PNPLA2: variants seen among roughly 807,000 people sequenced by gnomAD.
PNPLA2 encodes patatin-like phospholipase domain-containing protein 2.
In PNPLA2, 28 loss-of-function variants were observed where a neutral mutation model predicts 39.7. The observed-to-expected ratio is 0.70, with a 90% CI of 0.52 to 0.97. The LOEUF (loss-of-function observed/expected upper bound fraction) is 0.97, where lower values mean the gene tolerates loss of function less well. Among genes scored for constraint, PNPLA2 ranks in the 50% least tolerant of loss-of-function variants. The pLI, the probability that PNPLA2 is intolerant of heterozygous loss-of-function variation, is 0.00. For missense variants in PNPLA2, 768 were observed against 698.2 expected (o/e 1.10, Z -1.13); for synonymous variants, 392 against 321.1 (o/e 1.22, Z -2.36).
chr11:823,414 G>C (rs1342354539), intron 5 of PNPLA2, 113 bp from the exon 6 acceptor site: 1 of 926,450 alleles, frequency 1.1e-6, no homozygotes, highest in African/African-American at 1.6e-5. Flanking sequence ...ATAGGTTTTG[G>C]GGTTGGGAGC....
rs1565087552 is a variant in PNPLA2, at chr11:822,604, CT to C, written c.695del (p.Leu232ArgfsTer24). On this transcript the variant is annotated frameshift_variant and splice_region_variant, in exon 5 of 10. Coordinates refer to ENST00000336615, the MANE Select transcript of PNPLA2 (RefSeq NM_020376.4). LOFTEE classifies it high-confidence loss of function. ...CAAGGCCCTCTTCCCGCCGGAGCCC[CT>C]GGTGAGCTCTGCTCCGAGGACTGTG... Reference protein sequence around the residue: ...LSKALFPPEPLVLREMCKQGY... With the variant: ...LSKALFPPEPXVLREMCKQGY... The C allele has an allele frequency of 1.2e-6, 2 of 1,612,324 alleles. No homozygotes were observed. The highest frequency in any genetic ancestry group is 3.3e-5 in the Admixed American group (2 of 59,998).
intron 2 of PNPLA2, chr11:820,933 G>T (rs923377596): frequency 6.5e-6 from 1 of 153,786 alleles, no homozygotes; most frequent in Admixed American, 6.5e-5. Context: ...CTCCCAACAA[G>T]ACTCCTTCTC....
Position 825,357 on chromosome 11 carries a change from G to A in PNPLA2, c.*495G>A, listed in dbSNP as rs1323145985. On this transcript the variant is annotated 3_prime_UTR_variant, in exon 10 of 10. Transcript: ENST00000336615. ...TCCCAGCGTCGCACTCCTGGGCCTG[G>A]CATTTGGAACCTGCCAGGCTGGCCT... The A allele has an allele frequency of 7.4e-5, 16 of 217,508 alleles. No homozygotes were observed. Among genetic ancestry groups the A allele is most frequent in the South Asian group, 5.6e-4 (10 of 17,728 alleles). 13.5% of individuals were successfully genotyped at this position (217,508 alleles called of 1,614,324 possible).
In PNPLA2 at chr11:823,984, C is replaced by T. The variant is rs1412675057; in HGVS notation, c.920-14C>T. On this transcript the variant is annotated splice_polypyrimidine_tract_variant and intron_variant, in intron 7 of 9. Coordinates refer to ENST00000336615, the MANE Select transcript of PNPLA2 (RefSeq NM_020376.4). ...GCTGCCTCCACTGGCCGCCGACCTC[C>T]CGCCCACCCGCAGCCCTGCTGGAGG... 1 of 1,595,756 alleles carries T rather than the reference C, an allele frequency of 6.3e-7. No individual in the cohort carries two copies. Among genetic ancestry groups the T allele is most frequent in the Admixed American group, 1.7e-5 (1 of 58,804 alleles).
chr11:819,694 C>G lies in PNPLA2; in HGVS notation c.-25C>G. ...ACAGAGGCCTGGCCGCCCACGGAAC[C>G]CGGGGCCCGGCGGCCGCCGCCGCGA... On this transcript the variant is annotated 5_prime_UTR_variant, in exon 2 of 10. Transcript: ENST00000336615. 2.0e-6 allele frequency: 3 copies of G among 1,475,300 alleles called. No homozygotes were observed. The highest frequency in any genetic ancestry group is 1.3e-5 in the South Asian group (1 of 77,892). The allele number at this position is 1,475,300 out of a possible 1,614,324, so 91.4% of individuals were successfully genotyped here.
chr11:821,797 C>T lies in PNPLA2; in HGVS notation c.357C>T (p.Thr119=). The T allele has an allele frequency of 6.2e-7, 1 of 1,613,998 alleles. No individual in the cohort carries two copies. Among genetic ancestry groups the T allele is most frequent in the Non-Finnish European group, 8.5e-7 (1 of 1,180,032 alleles). ...GTGGGCGCCTGGGCATCTCCCTGACCCGCGTGTCAGACGGCGAGAATGTCA... is the reference window on the plus strand; with the variant it reads ...GTGGGCGCCTGGGCATCTCCCTGACTCGCGTGTCAGACGGCGAGAATGTCA... The part of the protein sequence containing the change: ...HASGRLGISL[T]RVSDGENVII... The change falls in exon 3 of 10, where the codon ACC becomes ACT. Residue 119 remains threonine (T), a synonymous_variant. Transcript: ENST00000336615.
At chr11:823,503 T>TC in intron 5 of PNPLA2, 24 bp from the exon 6 acceptor site, 1 of 1,597,122 alleles carries the variant, frequency 6.3e-7, no homozygotes, top group Non-Finnish European at 8.5e-7. Context: ...CTCCCTCCGC[T>TC]CCATTTAACC....
rs760351405 is a variant in PNPLA2 at position 824,799 on chromosome 11, T to G, written c.1452T>G (p.Pro484=). 6.5e-7 allele frequency: 1 copy of G among 1,533,834 alleles called. No individual in the cohort carries two copies. Among genetic ancestry groups the G allele is most frequent in the Non-Finnish European group, 8.7e-7 (1 of 1,145,680 alleles). ...CCCCGCAGCACCAGCTGGCCGGGCC[T>G]GCCCCCTTGCTGAGCACCCCTGCTC... ...PASPQHQLAG[P]APLLSTPAPE... The change falls in exon 10 of 10, where the codon CCT becomes CCG. Residue 484 remains proline (P), a synonymous_variant. Transcript: ENST00000336615.
At position 823,602 on chromosome 11, in the gene PNPLA2, G is replaced by A. The variant is rs772185053; in HGVS notation, c.757+15G>A. On this transcript the variant is annotated intron_variant, in intron 6 of 9. Transcript: ENST00000336615. Reference sequence around the variant, plus strand: ...GCAGCGGAACGGTGCGCGGACCCGGGCGGGAGAGGGCGGGGTGGGCTCGGC... The same window carrying A: ...GCAGCGGAACGGTGCGCGGACCCGGACGGGAGAGGGCGGGGTGGGCTCGGC... The A allele has an allele frequency of 1.2e-6, 2 of 1,607,014 alleles. No homozygotes were observed. The highest frequency in any genetic ancestry group is 3.4e-5 in the Admixed American group (2 of 59,360).
At position 821,739 on chromosome 11, in the gene PNPLA2, A is replaced by G; in HGVS notation, c.299A>G (p.Lys100Arg). The change falls in exon 3 of 10, where the codon AAG (lysine) becomes AGG (arginine). Residue 100 changes from lysine (K) to arginine (R), a missense_variant. Transcript: ENST00000336615. ...AAGATCATCCGCAGTTTCCTGCTGA[A>G]GGTCCTGCCTGCTGATAGCCATGAG... The part of the protein sequence containing the change: ...LVKIIRSFLL[K>R]VLPADSHEHA... 1.2e-6 allele frequency: 2 copies of G among 1,613,972 alleles called. No individual in the cohort carries two copies. The highest frequency in any genetic ancestry group is 1.7e-6 in the Non-Finnish European group (2 of 1,180,008).
Position 825,085 on chromosome 11 carries a change from C to T in PNPLA2, c.*223C>T. On this transcript the variant is annotated 3_prime_UTR_variant, in exon 10 of 10. Coordinates refer to ENST00000336615, the MANE Select transcript of PNPLA2 (RefSeq NM_020376.4). ...TCTTCCCTCCCCTGTGCTGCCCGAGCACCTCCCCCGCCCCTTTACTCCTGA... is the reference window on the plus strand; with the variant it reads ...TCTTCCCTCCCCTGTGCTGCCCGAGTACCTCCCCCGCCCCTTTACTCCTGA... 1 of 591,064 alleles carries T rather than the reference C, an allele frequency of 1.7e-6. No individual in the cohort carries two copies. The highest frequency in any genetic ancestry group is 2.0e-5 in the South Asian group (1 of 50,702). 36.6% of individuals were successfully genotyped at this position (591,064 alleles called of 1,614,324 possible). A position where few individuals can be genotyped will look rare whatever the true frequency, so the allele number is the denominator to read the frequency against.
intron 5 of PNPLA2, among the ~76,000 whole-genome samples, 194 bp from the exon 6 acceptor site, chr11:823,333 A>G (rs1360479713): frequency 6.6e-6 from 1 of 152,174 alleles, no homozygotes; most frequent in African/African-American, 2.4e-5. Context: ...CTGGGGTTAC[A>G]GGTGTAAGCC....
In PNPLA2 at chr11:824,633, T is replaced by C. The variant is rs1565091250; in HGVS notation, c.1286T>C (p.Leu429Pro). Residue 429 changes from leucine (L) to proline (P), a missense_variant, in exon 10 of 10, where the codon CTG becomes CCG. Transcript: ENST00000336615. ...LPGWMRNNLS[L>P]GDALAKWEEC... is the part of the protein sequence containing the mutation. ...GGCTGGATGCGCAACAACCTCTCGC[T>C]GGGGGACGCGCTGGCCAAGTGGGAG... 1 of 1,597,192 alleles carries C rather than the reference T, an allele frequency of 6.3e-7. No homozygotes were observed. Among genetic ancestry groups the C allele is most frequent in the Admixed American group, 1.7e-5 (1 of 59,260 alleles).
At chr11:821,895 G>A (rs779769284) in intron 3 of PNPLA2, 35 bp downstream of exon 3, 33 of 1,610,466 alleles carry the variant, frequency 2.0e-5, no homozygotes, top group Non-Finnish European at 2.7e-5. Flanking sequence ...GGTGGCGGTG[G>A]GGGGGGCAGT....
At chr11:824,256 G>A (rs1360174667) in intron 8 of PNPLA2, 58 bp from the exon 9 acceptor site, 3 of 1,548,484 alleles carry the variant, frequency 1.9e-6, no homozygotes, top group Non-Finnish European at 2.6e-6. Context: ...ACAGGGCCCG[G>A]CGGGTGGGCA....
At chr11:819,512 C>A in intron 1 of PNPLA2, 62 bp from the exon 2 acceptor site, 1 of 1,252,890 alleles carries the variant, frequency 8.0e-7, no homozygotes, top group Non-Finnish European at 1.0e-6. Flanking sequence ...TCTTCGTGTG[C>A]CGGCCCCGCC....
chr11:819,847 C>G lies in PNPLA2; in HGVS notation c.129C>G (p.Ile43Met). ...APFLVANATH[I>M]YGASAGALTA... ...TCCTGGTGGCCAACGCCACGCACAT[C>G]TACGGCGCCTCGGCCGGGGCGCTCA... The change falls in exon 2 of 10, where the codon ATC (isoleucine) becomes ATG (methionine). Residue 43 changes from isoleucine (I) to methionine (M), a missense_variant. Coordinates refer to ENST00000336615, the MANE Select transcript of PNPLA2 (RefSeq NM_020376.4). 1 of 1,473,024 alleles carries G rather than the reference C, an allele frequency of 6.8e-7. No homozygotes were observed. Among genetic ancestry groups the G allele is most frequent in the Non-Finnish European group, 9.0e-7 (1 of 1,111,752 alleles). 91.2% of individuals were successfully genotyped at this position (1,473,024 alleles called of 1,614,324 possible).
At chr11:819,457 GGGCGGGTCCCGAGGGCAC>G in intron 1 of PNPLA2, 99 bp from the exon 2 acceptor site, 2 of 1,187,506 alleles carry the variant, frequency 1.7e-6, no homozygotes, top group Non-Finnish European at 2.1e-6. Flanking sequence ...TCAAGGACGG[GGGCGGGTCCCGAGGGCAC>G]GGCCGTTCCC....
In PNPLA2 at chr11:824,351, C is replaced by T. The variant is rs577421006; in HGVS notation, c.1090C>T (p.Arg364Trp). The change falls in exon 9 of 10, where the codon CGG (arginine) becomes TGG (tryptophan). Residue 364 changes from arginine (R) to tryptophan (W), a missense_variant. Physicochemically the swap from Arg to Trp is moderately radical, Grantham distance 101. Transcript: ENST00000336615. ...GCTGCCCGACGTTCCCGAGGACATC[C>T]GGTGGATGAAGGAGCAGACGGGCAG... ...EWLPDVPEDI[R>W]WMKEQTGSIC... 2.2e-5 allele frequency: 34 copies of T among 1,551,340 alleles called. No homozygotes were observed. In the East Asian group the frequency reaches 6.1e-4, roughly 28 times the overall value.
Sources: gnomAD v4.1 joint callset for allele counts (sites outside exome capture counted in the v4.1 genomes callset) on GRCh38, gnomAD v4.1.1 for gene constraint, MANE v1.5 for transcripts, NCBI Gene and HGNC (gene_info 2026-07-23, HGNC 2026-07-21) for gene names.